Variants in DENND5B observed in about 807,000 individuals in gnomAD.
DENND5B encodes DENN domain containing 5B.
DENND5B carries 34 observed loss-of-function variants against 140.6 expected under a neutral mutation model. The observed-to-expected ratio is 0.24, with a 90% CI of 0.18 to 0.32. The LOEUF is 0.32. Ranked by LOEUF, DENND5B falls within the 10% of genes least tolerant of loss-of-function variation. DENND5B has a pLI of 1.00. For missense variants in DENND5B, 1,142 were observed against 1,560.2 expected, an observed-to-expected ratio of 0.73 and a Z score of 4.52; for synonymous variants, 551 against 562.1, an observed-to-expected ratio of 0.98 and a Z score of 0.28.
At chr12:31,459,527 A>G (rs1944923358) in intron 4 of DENND5B, among the ~76,000 whole-genome samples, 1 of 152,080 alleles carries the variant, frequency 6.6e-6, no homozygotes, top group Non-Finnish European at 1.5e-5. Context: ...TGACCTTGTG[A>G]TCCGCCCACC....
chr12:31,494,138 TTCTATCTATCTATCTATCTA>T (rs58109707), intron 2 of DENND5B, among the ~76,000 whole-genome samples: 2 of 139,748 alleles, frequency 1.4e-5, no homozygotes, highest in African/African-American at 5.3e-5. Context: ...TCTCTCTATC[TTCTATCTATCTATCTATCTA>T]TCTATCTATC....
chr12:31,509,992 C>T (rs751349724), intron 1 of DENND5B, among the ~76,000 whole-genome samples: 2 of 152,160 alleles, frequency 1.3e-5, no homozygotes, highest in Non-Finnish European at 2.9e-5. Flanking sequence ...TCTAGCTGGA[C>T]CTACTTTAGT....
chr12:31,564,344 A>T (rs1677182), intron 1 of DENND5B, among the ~76,000 whole-genome samples: 11,797 of 151,900 alleles, frequency 0.078, 1,043 homozygotes, highest in African/African-American at 0.22. Flanking sequence ...GCAACCATAG[A>T]CTGGCTGCCA....
rs1053671980 is a variant in DENND5B, at chr12:31,384,922, C to A, written c.*2681G>T. The A allele has an allele frequency of 2.0e-5, 2 of 100,872 alleles. No individual in the cohort carries two copies. The highest frequency in any genetic ancestry group is 6.1e-5 in the African/African-American group (2 of 32,658). The allele number at this position is 100,872 out of a possible 1,614,324, so 6.2% of individuals were successfully genotyped here. ...GCTGGAATTACAGGCCCTGCCACCA[C>A]CCCCCCGCTAATTTTTGTCTATTTT... On this transcript the variant is annotated 3_prime_UTR_variant, in exon 21 of 21. Transcript: ENST00000389082.
intron 3 of DENND5B, among the ~76,000 whole-genome samples, chr12:31,474,312 C>T (rs984913647): frequency 1.3e-5 from 2 of 152,068 alleles, no homozygotes; most frequent in African/African-American, 2.4e-5. Flanking sequence ...GTTTAAATTC[C>T]CCTTTTATTC....
chr12:31,507,304 G>A (rs1947240839), intron 1 of DENND5B, among the ~76,000 whole-genome samples: 1 of 151,894 alleles, frequency 6.6e-6, no homozygotes, highest in Non-Finnish European at 1.5e-5. Context: ...GCCCAGATGA[G>A]TTTTTATTTC....
chr12:31,392,226 G>A, intron 19 of DENND5B, 41 bp downstream of exon 19: 1 of 1,607,516 alleles, frequency 6.2e-7, no homozygotes, highest in Non-Finnish European at 8.5e-7. Flanking sequence ...CCTAAGAAAG[G>A]CTTCAGTGAC....
intron 1 of DENND5B, among the ~76,000 whole-genome samples, chr12:31,518,590 T>A (rs1041109164): frequency 4.1e-5 from 6 of 147,186 alleles, no homozygotes; most frequent in African/African-American, 9.9e-5. Context: ...TTTTTTTTTT[T>A]ACTAAGATAG....
chr12:31,504,384 C>T (rs1947116070), intron 1 of DENND5B, among the ~76,000 whole-genome samples: 1 of 152,182 alleles, frequency 6.6e-6, no homozygotes, highest in African/African-American at 2.4e-5. Flanking sequence ...CATCTCTCTT[C>T]ACCAAAGGAA....
At chr12:31,572,011 G>A (rs75289405) in intron 1 of DENND5B, among the ~76,000 whole-genome samples, 19,476 of 152,180 alleles carry the variant, frequency 0.13, 1,438 homozygotes, top group Non-Finnish European at 0.17. Flanking sequence ...GATCATGTGA[G>A]GTCGGGAGCT....
intron 7 of DENND5B, among the ~76,000 whole-genome samples, chr12:31,433,802 T>G (rs1414136280): frequency 2.6e-5 from 4 of 151,662 alleles, no homozygotes; most frequent in African/African-American, 4.8e-5. Context: ...CCGGATCACT[T>G]GAGGCCAGTA....
chr12:31,435,653 TTTTG>T (rs1298894267), intron 7 of DENND5B, among the ~76,000 whole-genome samples: 2 of 100,162 alleles, frequency 2.0e-5, no homozygotes, highest in Non-Finnish European at 4.0e-5. Flanking sequence ...GCTTTTTAAA[TTTTG>T]TTTTAGTTTG....
In DENND5B at chr12:31,409,392, A is replaced by T. The variant is rs1004855893; in HGVS notation, c.2682-8T>A. ...TATCGCTTATAAAGCTTCCTAGGAA[A>T]GGGTAAGACAAGCACAAGACAGTAG... On this transcript the variant is annotated splice_region_variant and splice_polypyrimidine_tract_variant and intron_variant, in intron 13 of 20. Transcript: ENST00000389082. 2.0e-6 allele frequency: 3 copies of T among 1,529,180 alleles called. No homozygotes were observed. Among genetic ancestry groups the T allele is most frequent in the African/African-American group, 2.8e-5 (2 of 71,926 alleles). The allele number at this position is 1,529,180 out of a possible 1,614,324, so 94.7% of individuals were successfully genotyped here. A position where few individuals can be genotyped will look rare whatever the true frequency, so the allele number is the denominator to read the frequency against.
In DENND5B at chr12:31,561,877, T is replaced by C. The variant is rs144888318; in HGVS notation, c.127+28829A>G. Among the ~76,000 whole-genome samples, 631 of 152,336 alleles carry C rather than the reference T, an allele frequency of 4.1e-3. 5 individuals carry two copies. The highest frequency in any genetic ancestry group is 0.014 in the African/African-American group (576 of 41,576). ...TCATCAATCATGCTGACAATGGCTATATATTCTGGAACTTTCTCCGTAAGT... is the reference window on the plus strand; with the variant it reads ...TCATCAATCATGCTGACAATGGCTACATATTCTGGAACTTTCTCCGTAAGT... On this transcript the variant is annotated intron_variant, in intron 1 of 20. Coordinates refer to ENST00000389082, the MANE Select transcript of DENND5B (RefSeq NM_144973.4).
At chr12:31,459,886 C>T (rs1944937670) in intron 4 of DENND5B, among the ~76,000 whole-genome samples, 1 of 151,894 alleles carries the variant, frequency 6.6e-6, no homozygotes, top group South Asian at 2.1e-4. Flanking sequence ...AAATTTATAA[C>T]GTGAATAAAG....
chr12:31,420,001 A>C, intron 11 of DENND5B: 4 of 984,044 alleles, frequency 4.1e-6, no homozygotes, highest in Non-Finnish European at 4.8e-6. Context: ...AAAAAGGAAA[A>C]AAGGCAGCAT....
At chr12:31,538,958 GTT>G (rs75708833) in intron 1 of DENND5B, among the ~76,000 whole-genome samples, 10 of 138,208 alleles carry the variant, frequency 7.2e-5, no homozygotes, top group African/African-American at 2.7e-4. Context: ...GAAACAAAAG[GTT>G]TTTTTTTTTT....
At chr12:31,532,259 G>A (rs1263462324) in intron 1 of DENND5B, among the ~76,000 whole-genome samples, 1 of 152,138 alleles carries the variant, frequency 6.6e-6, no homozygotes, top group Non-Finnish European at 1.5e-5. Flanking sequence ...CATTAATTAG[G>A]CAAAGACTGG....
Position 31,495,568 on chromosome 12 carries a change from G to A in DENND5B, c.237+242C>T, listed in dbSNP as rs547750382. On this transcript the variant is annotated intron_variant, in intron 2 of 20. Coordinates refer to ENST00000389082, the MANE Select transcript of DENND5B (RefSeq NM_144973.4). ...CAATTTTTGTATTTTTAGTAGAGACGGGGTTTCACTATGTTGGTCAGGCTG... is the reference window on the plus strand; with the variant it reads ...CAATTTTTGTATTTTTAGTAGAGACAGGGTTTCACTATGTTGGTCAGGCTG... Among the ~76,000 whole-genome samples the A allele has an allele frequency of 4.6e-5, 7 of 151,656 alleles. No homozygotes were observed. In the East Asian group the frequency reaches 9.7e-4, roughly 21 times the overall value.
Sources: gnomAD v4.1 joint callset for allele counts (sites outside exome capture counted in the v4.1 genomes callset) on GRCh38, gnomAD v4.1.1 for gene constraint, MANE v1.5 for transcripts, NCBI Gene and HGNC (gene_info 2026-07-23, HGNC 2026-07-21) for gene names.